The following CHRM3 variants were observed in gnomAD, a reference collection of about 807,000 sequenced individuals.
CHRM3 encodes muscarinic acetylcholine receptor M3.
Under a neutral mutation model 41.8 loss-of-function variants are expected in CHRM3, and 11 were observed. The ratio of observed to expected loss-of-function variants is 0.26; its 90% confidence interval spans 0.17 to 0.44. The LOEUF is 0.44. Among genes scored for constraint, CHRM3 ranks in the 20% least tolerant of loss-of-function variants. The pLI is 1.00. For missense variants in CHRM3, 571 were observed against 745.4 expected (o/e 0.77, Z 2.72); for synonymous variants, 297 against 301.4 (o/e 0.99, Z 0.15).
intron 4 of CHRM3, among the ~76,000 whole-genome samples, chr1:239,658,981 A>G (rs1431241817): frequency 6.6e-6 from 1 of 152,026 alleles, no homozygotes; most frequent in East Asian, 1.9e-4. Flanking sequence ...CAAGTGATCC[A>G]TCCACCTTGG....
intron 6 of CHRM3, among the ~76,000 whole-genome samples, chr1:239,867,371 G>C (rs2149302721): frequency 6.6e-6 from 1 of 152,240 alleles, no homozygotes; most frequent in East Asian, 1.9e-4. Context: ...ACTAGGAATA[G>C]GGCATTTTCT....
At chr1:239,822,773 A>G (rs979201176) in intron 5 of CHRM3, among the ~76,000 whole-genome samples, 4 of 152,242 alleles carry the variant, frequency 2.6e-5, no homozygotes, top group African/African-American at 9.6e-5. Flanking sequence ...TTGCTGAATA[A>G]TGAGACATGG....
At chr1:239,519,741 CTTTTTTT>C (rs386370161) in intron 2 of CHRM3, among the ~76,000 whole-genome samples, 4 of 85,066 alleles carry the variant, frequency 4.7e-5, no homozygotes, top group Non-Finnish European at 8.3e-5. Context: ...AAAACTAGTT[CTTTTTTT>C]TTTTTTTTTT....
At chr1:239,599,391 A>G (rs191149789) in intron 3 of CHRM3, among the ~76,000 whole-genome samples, 38 of 146,808 alleles carry the variant, frequency 2.6e-4, no homozygotes, top group Admixed American at 2.2e-3. Context: ...TCAAATATTA[A>G]TGTTCTGCAG....
intron 6 of CHRM3, among the ~76,000 whole-genome samples, chr1:239,871,440 C>T (rs1676577382): frequency 6.6e-6 from 1 of 152,094 alleles, no homozygotes; most frequent in South Asian, 2.1e-4. Flanking sequence ...CGAGGTTTCA[C>T]TGTGTTGGCC....
chr1:239,866,214 A>G (rs1404135298), intron 6 of CHRM3, among the ~76,000 whole-genome samples: 2 of 152,024 alleles, frequency 1.3e-5, no homozygotes, highest in Admixed American at 6.6e-5. Flanking sequence ...CGTCTCTACT[A>G]AAAATACAAA....
chr1:239,879,844 A>G (rs1677441513), intron 6 of CHRM3, among the ~76,000 whole-genome samples: 2 of 152,238 alleles, frequency 1.3e-5, no homozygotes, highest in South Asian at 4.1e-4. Context: ...CCCAGCTACA[A>G]TGACACTGGA....
intron 1 of CHRM3, among the ~76,000 whole-genome samples, chr1:239,445,508 CTGTGT>C (rs1369718201): frequency 6.6e-6 from 1 of 152,124 alleles, no homozygotes; most frequent in Non-Finnish European, 1.5e-5. Flanking sequence ...TGCGGGTGGA[CTGTGT>C]AGCCACTGTC....
intron 5 of CHRM3, among the ~76,000 whole-genome samples, chr1:239,700,710 G>A (rs1248275828): frequency 5.3e-5 from 8 of 152,040 alleles, no homozygotes. Flanking sequence ...TGAGTGTTTG[G>A]GAGGAAAATT....
At chr1:239,793,977 C>T (rs1271111724) in intron 5 of CHRM3, among the ~76,000 whole-genome samples, 1 of 151,666 alleles carries the variant, frequency 6.6e-6, no homozygotes, top group Admixed American at 6.6e-5. Context: ...CCACACCCAG[C>T]TAATGTTTGC....
At chr1:239,783,728 G>T (rs1668676204) in intron 5 of CHRM3, among the ~76,000 whole-genome samples, 1 of 152,138 alleles carries the variant, frequency 6.6e-6, no homozygotes, top group African/African-American at 2.4e-5. Context: ...TTTTATTTTA[G>T]GTTCGGGGGT....
At chr1:239,728,538 A>G (rs1663658012) in intron 5 of CHRM3, among the ~76,000 whole-genome samples, 1 of 152,032 alleles carries the variant, frequency 6.6e-6, no homozygotes, top group Non-Finnish European at 1.5e-5. Flanking sequence ...TAGTTCAGTT[A>G]AGTATTATAT....
At chr1:239,472,881 A>T (rs577069061) in intron 1 of CHRM3, among the ~76,000 whole-genome samples, 22 of 152,314 alleles carry the variant, frequency 1.4e-4, no homozygotes, top group African/African-American at 5.3e-4. Context: ...CCCAGAACTT[A>T]AAATTAAAAT....
chr1:239,908,070 T>C lies in CHRM3; in HGVS notation c.619T>C (p.Trp207Arg), dbSNP rs1365414451. The change falls in exon 7 of 7, where the codon TGG (tryptophan) becomes CGG (arginine). Residue 207 changes from tryptophan (W) to arginine (R), a missense_variant. By Grantham distance (101) the Trp-to-Arg change is moderately radical (BLOSUM62 -3). Transcript: ENST00000676153. This position sits in a 1 kb window ranked among gnomAD's most constrained non-coding sequence, Gnocchi z 7.2. ...FVLWAPAILFWQYFVGKRTVP... is the reference protein window; with the variant it reads ...FVLWAPAILFRQYFVGKRTVP... Reference sequence around the variant, plus strand: ...CCTTTGGGCTCCTGCCATCTTGTTCTGGCAATACTTTGTTGGAAAGAGAAC... The same window carrying C: ...CCTTTGGGCTCCTGCCATCTTGTTCCGGCAATACTTTGTTGGAAAGAGAAC... The C allele has an allele frequency of 6.2e-7, 1 of 1,614,216 alleles. No homozygotes were observed. The highest frequency in any genetic ancestry group is 2.2e-5 in the East Asian group (1 of 44,860).
intron 1 of CHRM3, among the ~76,000 whole-genome samples, chr1:239,402,559 C>T (rs545608640): frequency 6.6e-6 from 1 of 152,260 alleles, no homozygotes; most frequent in East Asian, 1.9e-4. Context: ...CCACATCAGC[C>T]TGCTTGTGGT....
chr1:239,456,131 T>G (rs1664916377), intron 1 of CHRM3, among the ~76,000 whole-genome samples: 1 of 152,178 alleles, frequency 6.6e-6, no homozygotes, highest in Admixed American at 6.5e-5. Context: ...GATACTTTTT[T>G]TGAGAGGCCT....
At chr1:239,788,635 A>G (rs1001021824) in intron 5 of CHRM3, among the ~76,000 whole-genome samples, 2 of 151,998 alleles carry the variant, frequency 1.3e-5, no homozygotes, top group African/African-American at 4.8e-5. Flanking sequence ...GCGTGGTGGT[A>G]GACACCTGTA....
intron 6 of CHRM3, chr1:239,897,878 G>A (rs760727468): frequency 8.5e-5 from 13 of 152,178 alleles, no homozygotes; most frequent in Non-Finnish European, 1.3e-4. Context: ...ACACGTAAGA[G>A]GTCCTGATGC....
At chr1:239,618,320 C>G (rs1406186858) in intron 3 of CHRM3, among the ~76,000 whole-genome samples, 1 of 129,064 alleles carries the variant, frequency 7.7e-6, no homozygotes, top group Non-Finnish European at 1.6e-5. Flanking sequence ...TGGTAAGGCA[C>G]AGAGGAAACT....
Sources: allele counts gnomAD v4.1 joint callset (sites outside exome capture counted in the v4.1 genomes callset), GRCh38; gene constraint gnomAD v4.1.1; non-coding constraint Gnocchi (gnomAD v3.1); transcripts MANE v1.5; gene names NCBI Gene and HGNC (gene_info 2026-07-23, HGNC 2026-07-21).